The following SEMA4F variants were observed in gnomAD, a reference collection of about 807,000 sequenced individuals.
SEMA4F encodes the protein semaphorin-4F.
SEMA4F carries 51 observed loss-of-function variants against 78.4 expected under a neutral mutation model. That is an observed-to-expected ratio of 0.65 (90% CI 0.52 to 0.82). SEMA4F has a LOEUF of 0.82. Ranked by LOEUF, SEMA4F falls within the 40% of genes least tolerant of loss-of-function variation. The pLI is 0.00. For synonymous variants in SEMA4F, 418 were observed against 408.7 expected (o/e 1.02, Z -0.27); for missense variants, 938 against 1,014.4 (o/e 0.92, Z 1.02).
At chr2:74,700,062 T>A in the SEMA4F span, among the ~76,000 whole-genome samples, 2 of 151,842 alleles carry the variant, frequency 1.3e-5, no homozygotes, top group Non-Finnish European at 2.9e-5. Flanking sequence ...GTGGAAGATA[T>A]GCGGAGAATG....
the SEMA4F span, among the ~76,000 whole-genome samples, chr2:74,706,471 A>G: frequency 6.6e-6 from 1 of 152,146 alleles, no homozygotes; most frequent in African/African-American, 2.4e-5. Context: ...CATAGAGGGG[A>G]GATCTGGCTG....
chr2:74,689,041 A>G, the SEMA4F span, among the ~76,000 whole-genome samples: 1 of 152,132 alleles, frequency 6.6e-6, no homozygotes, highest in South Asian at 2.1e-4. Context: ...ACAGCAACAC[A>G]CTTTGAAAGG....
rs779227068 is a variant in SEMA4F at position 74,654,484 on chromosome 2, C to G, written c.108C>G (p.Val36=). The G allele has an allele frequency of 1.3e-6, 2 of 1,575,474 alleles. No homozygotes were observed. The highest frequency in any genetic ancestry group is 2.3e-5 in the South Asian group (2 of 86,762). ...TGAGCGGCCCGGTATCCGGCCGCGT[C>G]CCCCGCTCGGTGCCCAGAACCTCGC... ...AVLSGPVSGR[V]PRSVPRTSLP... is the part of the protein sequence containing the mutation. The change falls in exon 1 of 14, where the codon GTC becomes GTG. Residue 36 remains valine (V), a synonymous_variant. Transcript: ENST00000357877.
the SEMA4F span, among the ~76,000 whole-genome samples, chr2:74,697,399 G>T: frequency 1.3e-5 from 2 of 152,190 alleles, no homozygotes; most frequent in African/African-American, 4.8e-5. Flanking sequence ...AGCCTTGAAT[G>T]TTGGGCAATC....
downstream of SEMA4F, among the ~76,000 whole-genome samples, chr2:74,688,506 TAAAAG>T (rs1421641476): frequency 6.6e-6 from 1 of 152,090 alleles, no homozygotes; most frequent in Non-Finnish European, 1.5e-5. Context: ...GAAATGAAAA[TAAAAG>T]AAACAGGAAA....
In SEMA4F at chr2:74,674,913, T is replaced by A; in HGVS notation, c.1027T>A (p.Cys343Ser). ...QWEGATISAV[C>S]AFRPQDIRTV... ...GGAGGGGGCTACTATCTCTGCTGTC[T>A]GTGCCTTCCGACCACAAGACATTCG... Residue 343 changes from cysteine (C) to serine (S), a missense_variant, in exon 9 of 14, where the codon TGT becomes AGT. Coordinates refer to ENST00000357877, the MANE Select transcript of SEMA4F (RefSeq NM_004263.5). 1 of 1,614,080 alleles carries A rather than the reference T, an allele frequency of 6.2e-7. No individual in the cohort carries two copies. The highest frequency in any genetic ancestry group is 8.5e-7 in the Non-Finnish European group (1 of 1,180,028).
rs954289694 is a variant in SEMA4F, at chr2:74,680,582, G to A, written c.*373G>A. The A allele has an allele frequency of 5.6e-6, 1 of 177,162 alleles. No homozygotes were observed. Among genetic ancestry groups the A allele is most frequent in the Non-Finnish European group, 1.2e-5 (1 of 84,166 alleles). 11.0% of individuals were successfully genotyped at this position (177,162 alleles called of 1,614,324 possible). ...GAGCCTGGCCGGAAGGAAGAGCCCTGGAGGTGGTTGGGGGCAAATGTGCCC... is the reference window on the plus strand; with the variant it reads ...GAGCCTGGCCGGAAGGAAGAGCCCTAGAGGTGGTTGGGGGCAAATGTGCCC... On this transcript the variant is annotated 3_prime_UTR_variant, in exon 14 of 14. Coordinates refer to ENST00000357877, the MANE Select transcript of SEMA4F (RefSeq NM_004263.5).
At chr2:74,689,443 G>A in the SEMA4F span, among the ~76,000 whole-genome samples, 2 of 152,176 alleles carry the variant, frequency 1.3e-5, no homozygotes, top group African/African-American at 4.8e-5. Context: ...GGGCATTCTG[G>A]TAATATCTAT....
intron 5 of SEMA4F, among the ~76,000 whole-genome samples, chr2:74,670,171 A>G (rs1295530454): frequency 6.6e-6 from 1 of 152,180 alleles, no homozygotes; most frequent in African/African-American, 2.4e-5. Context: ...TTATATAAGC[A>G]ATGTATCACA....
chr2:74,679,236 A>T (rs773010038), intron 12 of SEMA4F, 40 bp from the exon 13 acceptor site: 13 of 1,448,796 alleles, frequency 9.0e-6, no homozygotes, highest in Non-Finnish European at 1.1e-5. Flanking sequence ...GTTGAAGGGA[A>T]TGTTCACACT....
At chr2:74,691,214 G>T in the SEMA4F span, among the ~76,000 whole-genome samples, 1 of 152,164 alleles carries the variant, frequency 6.6e-6, no homozygotes, top group Non-Finnish European at 1.5e-5. Flanking sequence ...ATTTACTGTT[G>T]TAAATATGTC....
At chr2:74,705,981 T>C in the SEMA4F span, among the ~76,000 whole-genome samples, 1 of 152,188 alleles carries the variant, frequency 6.6e-6, no homozygotes, top group Admixed American at 6.5e-5. Flanking sequence ...TTGTATATTT[T>C]CTGATTCCTT....
In SEMA4F at chr2:74,664,836, T is replaced by C. The variant is rs576158488; in HGVS notation, c.550+2011T>C. ...TATTAGTATTTCAATTACATATCTT[T>C]TCCTTTGTGATTGTATATAATTTTT... On this transcript the variant is annotated intron_variant, in intron 5 of 13. Transcript: ENST00000357877. Among the ~76,000 whole-genome samples, 4 of 152,360 alleles carry C rather than the reference T, an allele frequency of 2.6e-5. No homozygotes were observed. In the South Asian group the frequency reaches 8.3e-4, roughly 32 times the overall value.
At chr2:74,662,164 C>G (rs1009573726) in intron 4 of SEMA4F, among the ~76,000 whole-genome samples, 1 of 152,138 alleles carries the variant, frequency 6.6e-6, no homozygotes, top group African/African-American at 2.4e-5. Flanking sequence ...TTGCTGGTTC[C>G]CCTGTCCTCT....
rs985814315 is a variant in SEMA4F, at chr2:74,680,677, G to C, written c.*468G>C. The C allele has an allele frequency of 6.4e-6, 1 of 155,920 alleles. No homozygotes were observed. The highest frequency in any genetic ancestry group is 6.2e-5 in the Admixed American group (1 of 16,010). 9.7% of individuals were successfully genotyped at this position (155,920 alleles called of 1,614,324 possible). A position where few individuals can be genotyped will look rare whatever the true frequency, so the allele number is the denominator to read the frequency against. ...TCTGTGGGGAGTGCATGATCCCCAT[G>C]TTGCAATATGGAGTCTCTGCCCTGA... On this transcript the variant is annotated 3_prime_UTR_variant, in exon 14 of 14. Transcript: ENST00000357877.
downstream of SEMA4F, among the ~76,000 whole-genome samples, chr2:74,684,916 G>A (rs1027963246): frequency 2.0e-5 from 3 of 152,262 alleles, no homozygotes; most frequent in Non-Finnish European, 1.5e-5. Context: ...AGGCTGAAGT[G>A]AGCCATGATC....
chr2:74,686,506 G>A (rs908961929), downstream of SEMA4F, among the ~76,000 whole-genome samples: 1 of 152,188 alleles, frequency 6.6e-6, no homozygotes, highest in Non-Finnish European at 1.5e-5. Flanking sequence ...AGTACCATTT[G>A]ACCCAGCCAT....
At chr2:74,662,387 C>G (rs969335218) in intron 4 of SEMA4F, among the ~76,000 whole-genome samples, 2 of 152,170 alleles carry the variant, frequency 1.3e-5, no homozygotes, top group African/African-American at 4.8e-5. Context: ...GTTACAAACC[C>G]TACAGTTCAG....
At chr2:74,697,627 T>C in the SEMA4F span, among the ~76,000 whole-genome samples, 1 of 152,122 alleles carries the variant, frequency 6.6e-6, no homozygotes, top group Non-Finnish European at 1.5e-5. Context: ...TGGGGTTGCC[T>C]CCTGCTGGGG....
Sources: gnomAD v4.1 joint callset for allele counts (sites outside exome capture counted in the v4.1 genomes callset) on GRCh38, gnomAD v4.1.1 for gene constraint, MANE v1.5 for transcripts, NCBI Gene and HGNC (gene_info 2026-07-23, HGNC 2026-07-21) for gene names.